The following GOLGB1 variants were observed in gnomAD, a reference collection of about 807,000 sequenced individuals.
The protein encoded by GOLGB1 is golgin subfamily B member 1.
GOLGB1 carries 174 observed loss-of-function variants against 336.9 expected under a neutral mutation model. The observed-to-expected ratio is 0.52, with a 90% CI of 0.46 to 0.59. The LOEUF is 0.59. Among genes scored for constraint, GOLGB1 ranks in the 20% least tolerant of loss-of-function variants. GOLGB1 has a pLI of 0.00. For missense variants in GOLGB1, 3,331 were observed against 3,645.3 expected (o/e 0.91, Z 2.22); for synonymous variants, 1,208 against 1,289.2 (o/e 0.94, Z 1.35).
chr3:121,743,688 T>G, intron 1 of GOLGB1, among the ~76,000 whole-genome samples: 1 of 152,136 alleles, frequency 6.6e-6, no homozygotes, highest in South Asian at 2.1e-4. Context: ...ATGGAAAAAT[T>G]ATAAAATAAG....
intron 14 of GOLGB1, among the ~76,000 whole-genome samples, chr3:121,686,959 C>G (rs570635997): frequency 4.5e-4 from 68 of 152,174 alleles, no homozygotes; most frequent in Non-Finnish European, 8.1e-4. Flanking sequence ...TAAAAGGGAA[C>G]GCTGGAAAGG....
intron 11 of GOLGB1, 50 bp downstream of exon 11, chr3:121,702,431 G>A: frequency 2.9e-6 from 2 of 698,678 alleles, no homozygotes; most frequent in Middle Eastern, 5.4e-4. Flanking sequence ...AAAAGTAGAG[G>A]CACTTGTGGG....
At chr3:121,728,878 C>T (rs1053708158) in intron 4 of GOLGB1, among the ~76,000 whole-genome samples, 1 of 152,144 alleles carries the variant, frequency 6.6e-6, no homozygotes, top group Non-Finnish European at 1.5e-5. Context: ...TGAAACTCCT[C>T]CAAAAGGTAT....
At position 121,716,736 on chromosome 3, in the gene GOLGB1, C is replaced by A; in HGVS notation, c.1288+1G>T. 1 of 1,602,932 alleles carries A rather than the reference C, an allele frequency of 6.2e-7. No individual in the cohort carries two copies. The highest frequency in any genetic ancestry group is 1.7e-5 in the Admixed American group (1 of 58,548). On this transcript the variant is annotated splice_donor_variant, in intron 9 of 21. Transcript: ENST00000614479. LOFTEE classifies it high-confidence loss of function. ...GACTTCAAAAGCAATCAGCTACTGA[C>A]CTTCCAGTTGCTGAATGGTCTGGGC...
chr3:121,746,512 C>T (rs973882102), intron 1 of GOLGB1, among the ~76,000 whole-genome samples: 3 of 151,860 alleles, frequency 2.0e-5, no homozygotes, highest in Non-Finnish European at 2.9e-5. Flanking sequence ...GACGGAGTTT[C>T]ACTATTGTCG....
At position 121,681,801 on chromosome 3, in the gene GOLGB1, T is replaced by C. The variant is rs1941100311; in HGVS notation, c.8759A>G (p.His2920Arg). 1.2e-6 allele frequency: 2 copies of C among 1,602,150 alleles called. No homozygotes were observed. The highest frequency in any genetic ancestry group is 1.7e-6 in the Non-Finnish European group (2 of 1,169,358). The change falls in exon 15 of 22, where the codon CAT becomes CGT. Residue 2920 changes from histidine to arginine, a missense_variant. By Grantham distance (29) the His-to-Arg change is conservative (BLOSUM62 0). Coordinates refer to ENST00000614479, the MANE Select transcript of GOLGB1 (RefSeq NM_001366282.2). Reference sequence around the variant, plus strand: ...CTCCTGAAGTTGAGCCTTCAGTGGATGTAACTCAGTGATCTCTTGATTAAT... The same window carrying C: ...CTCCTGAAGTTGAGCCTTCAGTGGACGTAACTCAGTGATCTCTTGATTAAT... ...LQINQEITEL[H>R]PLKAQLQEYQ...
intron 1 of GOLGB1, among the ~76,000 whole-genome samples, chr3:121,732,253 A>G (rs1946172199): frequency 6.6e-6 from 1 of 152,154 alleles, no homozygotes; most frequent in South Asian, 2.1e-4. Context: ...AAAAAAGAAA[A>G]CTCCAGATCA....
At position 121,720,084 on chromosome 3, in the gene GOLGB1, T is replaced by C. The variant is rs143337961; in HGVS notation, c.649-316A>G. ...TTTTAAAGTTCTAAAAAGATTAAGA[T>C]ATTAAACACATAAGGTGAAGTTAAG... On this transcript the variant is annotated intron_variant, in intron 6 of 21. Transcript: ENST00000614479. Among the ~76,000 whole-genome samples the C allele has an allele frequency of 5.5e-3, 838 of 152,298 alleles. 4 individuals are homozygous for C. Among genetic ancestry groups the C allele is most frequent in the Non-Finnish European group, 9.5e-3 (646 of 68,016 alleles).
chr3:121,705,796 C>A (rs1354866612), intron 10 of GOLGB1, among the ~76,000 whole-genome samples: 3 of 152,204 alleles, frequency 2.0e-5, no homozygotes, highest in Admixed American at 2.0e-4. Flanking sequence ...AAGAATAGCA[C>A]TTGGTGCTCA....
chr3:121,700,914 TTTC>T, intron 11 of GOLGB1, among the ~76,000 whole-genome samples: 1 of 152,254 alleles, frequency 6.6e-6, no homozygotes, highest in East Asian at 1.9e-4. Context: ...TCTCTGAAAT[TTTC>T]TTATGTGTAT....
At position 121,729,347 on chromosome 3, in the gene GOLGB1, A is replaced by C. The variant is rs1459218305; in HGVS notation, c.250-7T>G. The C allele has an allele frequency of 2.5e-6, 4 of 1,604,262 alleles. No individual in the cohort carries two copies. The highest frequency in any genetic ancestry group is 3.4e-6 in the Non-Finnish European group (4 of 1,173,068). On this transcript the variant is annotated splice_region_variant and splice_polypyrimidine_tract_variant and intron_variant, in intron 3 of 21. Coordinates refer to ENST00000614479, the MANE Select transcript of GOLGB1 (RefSeq NM_001366282.2). ...CAGCAGCTTTTCTCTCTTCCTGCCC[A>C]AAAACAATGATGGTAAATACATAAA... is the stretch of plus-strand genomic sequence containing the variant.
chr3:121,726,817 C>T, intron 5 of GOLGB1, 96 bp downstream of exon 5: 1 of 818,822 alleles, frequency 1.2e-6, no homozygotes, highest in African/African-American at 1.8e-5. Context: ...AGATAAATGC[C>T]CATTGTGCAT....
intron 10 of GOLGB1, among the ~76,000 whole-genome samples, chr3:121,709,335 T>C (rs1944152888): frequency 6.6e-6 from 1 of 152,196 alleles, no homozygotes; most frequent in African/African-American, 2.4e-5. Flanking sequence ...CTAAGTGCTA[T>C]TTGTAGAACA....
At chr3:121,741,338 G>GT (rs1190724077) in intron 1 of GOLGB1, among the ~76,000 whole-genome samples, 1 of 152,078 alleles carries the variant, frequency 6.6e-6, no homozygotes, top group Non-Finnish European at 1.5e-5. Context: ...AGACAGCATA[G>GT]TATGTAATGA....
rs778075647 is a variant in GOLGB1 at position 121,698,488 on chromosome 3, C to T, written c.2035G>A (p.Ala679Thr). 3 of 1,613,728 alleles carry T rather than the reference C, an allele frequency of 1.9e-6. No individual in the cohort carries two copies. Among genetic ancestry groups the T allele is most frequent in the Non-Finnish European group, 1.7e-6 (2 of 1,179,740 alleles). The change falls in exon 13 of 22, where the codon GCT becomes ACT. Residue 679 changes from alanine (A) to threonine (T), a missense_variant. By Grantham distance (58) the Ala-to-Thr change is moderately conservative. Coordinates refer to ENST00000614479, the MANE Select transcript of GOLGB1 (RefSeq NM_001366282.2). ...TGACACTGACCAATATCTGGTACAG[C>T]AGAAAGGGATTTATCACCATCCTGC... ...TKQDGDKSLS[A>T]VPDIGQCHQD...
rs186004105 is a variant in GOLGB1 at position 121,693,835 on chromosome 3, C to T, written c.6688G>A (p.Glu2230Lys). The T allele has an allele frequency of 6.2e-7, 1 of 1,612,658 alleles. No individual in the cohort carries two copies. Among genetic ancestry groups the T allele is most frequent in the Non-Finnish European group, 8.5e-7 (1 of 1,178,650 alleles). The change falls in exon 13 of 22, where the codon GAA (glutamate) becomes AAA (lysine). Residue 2230 changes from glutamate (E) to lysine (K), a missense_variant. Physicochemically the swap from Glu to Lys is moderately conservative, Grantham distance 56 (BLOSUM62 1). Coordinates refer to ENST00000614479, the MANE Select transcript of GOLGB1 (RefSeq NM_001366282.2). ...CAATTATCTTCTTTGAGTCTAATTT[C>T]TTCTTCTTTGCTTTGAATCGCATCA... ...FSDAIQSKEEEIRLKEDNCSV... is the reference protein window; with the variant it reads ...FSDAIQSKEEKIRLKEDNCSV...
intron 1 of GOLGB1, among the ~76,000 whole-genome samples, chr3:121,745,307 T>C: frequency 6.7e-6 from 1 of 149,426 alleles, no homozygotes; most frequent in African/African-American, 2.5e-5. Context: ...TGTATGTATA[T>C]ATACATATGT....
chr3:121,723,853 G>A (rs1406618212), intron 5 of GOLGB1, among the ~76,000 whole-genome samples: 3 of 152,102 alleles, frequency 2.0e-5, no homozygotes, highest in Non-Finnish European at 4.4e-5. Flanking sequence ...AGAGGTTTAG[G>A]AGAATAAATT....
chr3:121,716,871 T>C lies in GOLGB1; in HGVS notation c.1154A>G (p.His385Arg), dbSNP rs1483954896. The C allele has an allele frequency of 6.2e-7, 1 of 1,613,594 alleles. No individual in the cohort carries two copies. The highest frequency in any genetic ancestry group is 1.3e-5 in the African/African-American group (1 of 74,940). ...TCCAGTCTTTTGAAGACTCAAAATA[T>C]GAGAGGTCTTCTCTTCCATTTCTGC... ...HKAEMEEKTSHILSLQKTGQE... is the reference protein window; with the variant it reads ...HKAEMEEKTSRILSLQKTGQE... The change falls in exon 9 of 22, where the codon CAT (histidine) becomes CGT (arginine). Residue 385 changes from histidine to arginine, a missense_variant. Physicochemically the swap from His to Arg is conservative, Grantham distance 29 (BLOSUM62 0). Coordinates refer to ENST00000614479, the MANE Select transcript of GOLGB1 (RefSeq NM_001366282.2).
Sources: allele counts gnomAD v4.1 joint callset (sites outside exome capture counted in the v4.1 genomes callset), GRCh38; gene constraint gnomAD v4.1.1; transcripts MANE v1.5; gene names NCBI Gene and HGNC (gene_info 2026-07-23, HGNC 2026-07-21).